DPYSL2: variants seen among roughly 807,000 people sequenced by gnomAD.
The protein encoded by DPYSL2 is dihydropyrimidinase like 2, also known as dihydropyrimidinase-related protein 2.
Under a neutral mutation model 69.9 loss-of-function variants are expected in DPYSL2, and 13 were observed. The observed-to-expected ratio is 0.19, with a 90% CI of 0.12 to 0.30. DPYSL2 has a LOEUF of 0.30. Ranked by LOEUF, DPYSL2 falls within the 10% of genes least tolerant of loss-of-function variation. The pLI is 1.00. For missense variants in DPYSL2, 587 were observed against 918.9 expected (o/e 0.64, Z 4.67); for synonymous variants, 326 against 359.1 (o/e 0.91, Z 1.04).
intron 1 of DPYSL2, among the ~76,000 whole-genome samples, chr8:26,518,100 A>G (rs987616661): frequency 6.6e-6 from 1 of 152,252 alleles, no homozygotes; most frequent in Non-Finnish European, 1.5e-5. Flanking sequence ...GATTAAAGCC[A>G]TCTGCTCCTC....
rs753360620 is a variant in DPYSL2, at chr8:26,644,076, C to G, written c.1410C>G (p.Ile470Met). Residue 470 changes from isoleucine to methionine, a missense_variant, in exon 10 of 14, where the codon ATC becomes ATG. By Grantham distance (10) the Ile-to-Met change is conservative. Transcript: ENST00000521913. This position sits in a 1 kb window ranked among gnomAD's most constrained non-coding sequence, Gnocchi z 4.5. Reference sequence around the variant, plus strand: ...GCACTGAGGAGCGGATGTCCGTCATCTGGGACAAGGCTGTGGTAAGGAGCG... The same window carrying G: ...GCACTGAGGAGCGGATGTCCGTCATGTGGGACAAGGCTGTGGTAAGGAGCG... ...TNGTEERMSV[I>M]WDKAVVTGKM... 6.2e-7 allele frequency: 1 copy of G among 1,614,180 alleles called. No individual in the cohort carries two copies. The highest frequency in any genetic ancestry group is 1.6e-4 in the Middle Eastern group (1 of 6,062).
intron 1 of DPYSL2, among the ~76,000 whole-genome samples, chr8:26,529,303 C>CATCT (rs57786172): frequency 0.013 from 1,935 of 147,310 alleles, 44 homozygotes; most frequent in African/African-American, 0.046. Flanking sequence ...ATCTATCTAT[C>CATCT]ATCTATCTAT....
At chr8:26,555,261 A>G (rs905578279) in intron 1 of DPYSL2, among the ~76,000 whole-genome samples, 8 of 152,090 alleles carry the variant, frequency 5.3e-5, no homozygotes, top group African/African-American at 1.4e-4. Flanking sequence ...GTAATACAAG[A>G]AGCAAGAAAA....
At chr8:26,563,369 T>C (rs1801102806) in intron 1 of DPYSL2, among the ~76,000 whole-genome samples, 1 of 152,204 alleles carries the variant, frequency 6.6e-6, no homozygotes. Flanking sequence ...AGACTAAGTC[T>C]TCCCTTTTAA....
At chr8:26,556,645 G>T (rs1377207123) in intron 1 of DPYSL2, among the ~76,000 whole-genome samples, 1 of 151,488 alleles carries the variant, frequency 6.6e-6, no homozygotes, top group Non-Finnish European at 1.5e-5. Flanking sequence ...GATTTTTTGT[G>T]TTCATAGATA....
intron 1 of DPYSL2, among the ~76,000 whole-genome samples, chr8:26,563,992 A>T (rs957526365): frequency 6.6e-6 from 1 of 152,082 alleles, no homozygotes; most frequent in Admixed American, 6.6e-5. Flanking sequence ...GATATTTAAG[A>T]CTGGGTAAGA....
In DPYSL2 at chr8:26,585,383, A is replaced by C. The variant is rs1314828571; in HGVS notation, c.628+1400A>C. Among the ~76,000 whole-genome samples, 1 of 152,092 alleles carries C rather than the reference A, an allele frequency of 6.6e-6. No homozygotes were observed. Among genetic ancestry groups the C allele is most frequent in the Non-Finnish European group, 1.5e-5 (1 of 68,016 alleles). ...TGCCCCGCATTTTAAATCACAACTCATCCTCTGGCGTTCTCTCTGTCCTGG... is the reference window on the plus strand; with the variant it reads ...TGCCCCGCATTTTAAATCACAACTCCTCCTCTGGCGTTCTCTCTGTCCTGG... On this transcript the variant is annotated intron_variant, in intron 3 of 13. Transcript: ENST00000521913. The surrounding 1 kb of genome is among the most constrained non-coding windows in gnomAD (Gnocchi z 4.0).
chr8:26,638,281 A>C (rs987723715), intron 8 of DPYSL2, among the ~76,000 whole-genome samples: 2 of 152,206 alleles, frequency 1.3e-5, no homozygotes, highest in Admixed American at 6.5e-5. Flanking sequence ...TGAGCCCAGA[A>C]GGGAGTCTCA....
chr8:26,655,104 T>C (rs1179491531), intron 13 of DPYSL2, among the ~76,000 whole-genome samples: 1 of 151,650 alleles, frequency 6.6e-6, no homozygotes, highest in East Asian at 2.0e-4. Context: ...CACCTCAGCC[T>C]CTCCAAGTGC....
chr8:26,613,791 T>C (rs1802288304), intron 3 of DPYSL2, among the ~76,000 whole-genome samples: 1 of 151,640 alleles, frequency 6.6e-6, no homozygotes, highest in Non-Finnish European at 1.5e-5. Context: ...ATGTTAGGAG[T>C]GTGAGTGGAA....
chr8:26,554,621 G>C (rs1585505263), intron 1 of DPYSL2, among the ~76,000 whole-genome samples: 2 of 152,068 alleles, frequency 1.3e-5, no homozygotes, highest in East Asian at 3.8e-4. Flanking sequence ...TGTTGTATAG[G>C]TTGTATTCCA....
At chr8:26,515,073 G>C (rs929931669) in intron 1 of DPYSL2, among the ~76,000 whole-genome samples, 3 of 152,218 alleles carry the variant, frequency 2.0e-5, no homozygotes, top group Admixed American at 6.5e-5. Context: ...GCGGCTCAGA[G>C]CGTGCGGTGG....
intron 3 of DPYSL2, among the ~76,000 whole-genome samples, chr8:26,611,707 G>A: frequency 6.6e-6 from 1 of 152,190 alleles, no homozygotes; most frequent in Non-Finnish European, 1.5e-5. Context: ...TTGTAACCAA[G>A]TTGGCTCTCC....
chr8:26,598,921 G>T lies in DPYSL2; in HGVS notation c.628+14938G>T, dbSNP rs1388668335. 1.3e-5 allele frequency among the ~76,000 whole-genome samples: 2 copies of T among 152,240 alleles called. No individual in the cohort carries two copies. The highest frequency in any genetic ancestry group is 4.8e-5 in the African/African-American group (2 of 41,460). ...CTTTTCCCCACTGTGCGTATTCTTA[G>T]CTGCGCAAGTGTCGTGCATGTGCGT... On this transcript the variant is annotated intron_variant, in intron 3 of 13. Transcript: ENST00000521913. The surrounding 1 kb of genome is among the most constrained non-coding windows in gnomAD (Gnocchi z 4.2).
chr8:26,515,633 A>T (rs1808271716), intron 1 of DPYSL2, among the ~76,000 whole-genome samples: 3 of 152,256 alleles, frequency 2.0e-5, no homozygotes, highest in Non-Finnish European at 4.4e-5. Context: ...ATAATCTCAC[A>T]CCACAATTCT....
intron 3 of DPYSL2, among the ~76,000 whole-genome samples, chr8:26,616,701 C>T (rs975613880): frequency 3.3e-5 from 5 of 152,186 alleles, no homozygotes; most frequent in Admixed American, 2.0e-4. Flanking sequence ...GTACCCGAGG[C>T]GGGGTCGGAG....
At position 26,643,288 on chromosome 8, in the gene DPYSL2, C is replaced by A; in HGVS notation, c.1127-151C>A. 1 of 786,910 alleles carries A rather than the reference C, an allele frequency of 1.3e-6. No individual in the cohort carries two copies. The highest frequency in any genetic ancestry group is 1.9e-6 in the Non-Finnish European group (1 of 523,232). The allele number at this position is 786,910 out of a possible 1,614,324, so 48.7% of individuals were successfully genotyped here. A position where few individuals can be genotyped will look rare whatever the true frequency, so the allele number is the denominator to read the frequency against. On this transcript the variant is annotated intron_variant, in intron 8 of 13. Coordinates refer to ENST00000521913, the MANE Select transcript of DPYSL2 (RefSeq NM_001197293.3). The surrounding 1 kb of genome is among the most constrained non-coding windows in gnomAD (Gnocchi z 6.5). ...AGAGGTACTGAATTTCTCCAAGTCT[C>A]AGTTTCCTCATCTGCGAGATGAGCC...
chr8:26,520,474 G>GC (rs1554531108), intron 1 of DPYSL2, among the ~76,000 whole-genome samples: 1 of 145,454 alleles, frequency 6.9e-6, no homozygotes, highest in African/African-American at 2.5e-5. Context: ...CTGAATGCCT[G>GC]TTTTTTTTTT....
At chr8:26,515,385 C>G (rs550302261) in intron 1 of DPYSL2, among the ~76,000 whole-genome samples, 22 of 152,278 alleles carry the variant, frequency 1.4e-4, no homozygotes, top group African/African-American at 5.1e-4. Context: ...GAGCGCTCCC[C>G]AAACCGCTAT....
Sources: gnomAD v4.1 joint callset for allele counts (sites outside exome capture counted in the v4.1 genomes callset) on GRCh38, gnomAD v4.1.1 for gene constraint, Gnocchi (gnomAD v3.1) non-coding constraint, MANE v1.5 for transcripts, NCBI Gene and HGNC (gene_info 2026-07-23, HGNC 2026-07-21) for gene names.